AGMO: variants seen among roughly 807,000 people sequenced by gnomAD.
AGMO encodes the protein glyceryl-ether monooxygenase.
Under a neutral mutation model 60.2 loss-of-function variants are expected in AGMO, and 75 were observed. The observed-to-expected ratio is 1.25, with a 90% CI of 1.03 to 1.51. AGMO has a LOEUF of 1.51. Ranked by LOEUF, AGMO falls within the 40% of genes most tolerant of loss-of-function variation. AGMO has a pLI of 0.00. For missense variants in AGMO, 763 were observed against 525.5 expected (o/e 1.45, Z -4.42); for synonymous variants, 261 against 177.1 (o/e 1.47, Z -3.76).
At chr7:15,432,333 T>TATATATATATATACATAC (rs1562504319) in intron 3 of AGMO, among the ~76,000 whole-genome samples, 96 of 135,108 alleles carry the variant, frequency 7.1e-4, no homozygotes, top group African/African-American at 2.5e-3. Flanking sequence ...TATATGTATA[T>TATATATATATATACATAC]ATATATATAT....
At chr7:15,147,655 C>A in the AGMO span, among the ~76,000 whole-genome samples, 1 of 152,068 alleles carries the variant, frequency 6.6e-6, no homozygotes, top group East Asian at 1.9e-4. Context: ...AGAGCTACAG[C>A]CAACTACCAA....
chr7:15,255,125 G>C (rs1253018362), intron 12 of AGMO, among the ~76,000 whole-genome samples: 3 of 152,032 alleles, frequency 2.0e-5, no homozygotes, highest in Non-Finnish European at 4.4e-5. Flanking sequence ...ACCAAACACT[G>C]CATGTTCCCA....
intron 2 of AGMO, among the ~76,000 whole-genome samples, chr7:15,546,048 C>T (rs75859123): frequency 0.024 from 3,702 of 152,140 alleles, 123 homozygotes; most frequent in African/African-American, 0.084. Flanking sequence ...TATTTCCCTT[C>T]ACAGAGTCAG....
At chr7:15,435,911 A>G (rs1352774467) in intron 3 of AGMO, among the ~76,000 whole-genome samples, 1 of 152,218 alleles carries the variant, frequency 6.6e-6, no homozygotes, top group East Asian at 1.9e-4. Flanking sequence ...ATGGAGGGAC[A>G]TGATCCTGTA....
intron 12 of AGMO, among the ~76,000 whole-genome samples, chr7:15,284,978 C>T (rs1342903296): frequency 2.0e-5 from 3 of 151,408 alleles, no homozygotes; most frequent in African/African-American, 7.3e-5. Flanking sequence ...AAATAAAAAC[C>T]ATATGATCAT....
At chr7:15,360,895 C>G (rs1782724645) in intron 12 of AGMO, among the ~76,000 whole-genome samples, 1 of 151,888 alleles carries the variant, frequency 6.6e-6, no homozygotes, top group African/African-American at 2.4e-5. Context: ...CAGATAAAAT[C>G]AGGTTATGAT....
chr7:15,328,248 C>T (rs191527279), intron 12 of AGMO, among the ~76,000 whole-genome samples: 29 of 152,206 alleles, frequency 1.9e-4, no homozygotes, highest in Middle Eastern at 6.8e-3. Context: ...CAGGTGTGTG[C>T]CACCACACCC....
chr7:15,164,429 A>C, the AGMO span, among the ~76,000 whole-genome samples: 1 of 152,176 alleles, frequency 6.6e-6, no homozygotes, highest in Non-Finnish European at 1.5e-5. Context: ...ACATAGCAAA[A>C]GAAATAATCA....
At chr7:15,318,133 G>A (rs1780997522) in intron 12 of AGMO, among the ~76,000 whole-genome samples, 1 of 151,420 alleles carries the variant, frequency 6.6e-6, no homozygotes, top group Non-Finnish European at 1.5e-5. Flanking sequence ...AGCCTCCCAA[G>A]TAGCTGGAAT....
intron 3 of AGMO, among the ~76,000 whole-genome samples, chr7:15,438,519 C>T (rs1781460812): frequency 6.6e-6 from 1 of 152,016 alleles, no homozygotes; most frequent in Non-Finnish European, 1.5e-5. Flanking sequence ...TTTTCTAGCC[C>T]CTTACCACCT....
chr7:15,382,370 A>G (rs1260839850), intron 10 of AGMO, among the ~76,000 whole-genome samples: 1 of 152,088 alleles, frequency 6.6e-6, no homozygotes, highest in African/African-American at 2.4e-5. Flanking sequence ...GGAAGTGAGT[A>G]CCACTGTATC....
At chr7:15,277,532 A>AT (rs150666983) in intron 12 of AGMO, among the ~76,000 whole-genome samples, 31,281 of 148,786 alleles carry the variant, frequency 0.21, 3,546 homozygotes, top group South Asian at 0.31. Flanking sequence ...TTTGGATTGG[A>AT]TTTTTTTTTT....
chr7:15,554,066 C>A (rs1181922096), intron 2 of AGMO, among the ~76,000 whole-genome samples: 1 of 152,146 alleles, frequency 6.6e-6, no homozygotes, highest in Non-Finnish European at 1.5e-5. Flanking sequence ...AAAAGCAATT[C>A]ACCTAACCAA....
chr7:15,405,749 G>A (rs1375737199), intron 5 of AGMO, among the ~76,000 whole-genome samples: 1 of 151,888 alleles, frequency 6.6e-6, no homozygotes, highest in Non-Finnish European at 1.5e-5. Flanking sequence ...CAAGGTCAGA[G>A]AGTCTAAGTA....
chr7:15,428,691 T>G (rs561594094), intron 4 of AGMO, among the ~76,000 whole-genome samples: 89 of 152,230 alleles, frequency 5.8e-4, no homozygotes, highest in Middle Eastern at 3.4e-3. Context: ...CTCCAAGATT[T>G]CTTCTAGTTC....
the AGMO span, among the ~76,000 whole-genome samples, chr7:15,190,202 T>A: frequency 5.4e-4 from 1 of 1,864 alleles, no homozygotes; most frequent in African/African-American, 1.7e-3. Flanking sequence ...TATATATATT[T>A]ATATATATAT....
rs557919467 is a variant in AGMO at position 15,481,326 on chromosome 7, A to T, written c.410-50218T>A. ...AGGAAAGGACTCTGAGAACACTTTG[A>T]GGGTGACATAAGTGTTGGGAGTTAC... On this transcript the variant is annotated intron_variant, in intron 3 of 12. Coordinates refer to ENST00000342526, the MANE Select transcript of AGMO (RefSeq NM_001004320.2). 1.3e-3 allele frequency among the ~76,000 whole-genome samples: 191 copies of T among 152,284 alleles called. 7 individuals carry two copies. In the South Asian group the frequency reaches 0.034, roughly 27 times the overall value.
chr7:15,527,033 C>T (rs990800499), intron 3 of AGMO, among the ~76,000 whole-genome samples: 23 of 152,058 alleles, frequency 1.5e-4, no homozygotes, highest in African/African-American at 5.6e-4. Flanking sequence ...CTCATTGTGC[C>T]TCCCTGTTCC....
chr7:15,253,295 T>A (rs528136818), intron 12 of AGMO, among the ~76,000 whole-genome samples: 1 of 152,168 alleles, frequency 6.6e-6, no homozygotes, highest in South Asian at 2.1e-4. Context: ...TTTATGGAGA[T>A]GCTAATGTTG....
Sources: allele counts gnomAD v4.1 joint callset (sites outside exome capture counted in the v4.1 genomes callset), GRCh38; gene constraint gnomAD v4.1.1; transcripts MANE v1.5; gene names NCBI Gene and HGNC (gene_info 2026-07-23, HGNC 2026-07-21).